Variants in ANXA10 observed in about 807,000 individuals in gnomAD.
ANXA10 encodes the protein annexin A10.
ANXA10 carries 49 observed loss-of-function variants against 53.5 expected under a neutral mutation model. The ratio of observed to expected loss-of-function variants is 0.92; its 90% CI spans 0.73 to 1.16. ANXA10 has a LOEUF of 1.16. ANXA10 is among the 50% of genes most tolerant of loss of function. The pLI is 0.00. For synonymous variants in ANXA10, 131 were observed against 128.9 expected (o/e 1.02, Z -0.11); for missense variants, 393 against 394.4 (o/e 1.00, Z 0.03).
chr4:168,170,369 C>CCA (rs748324243), intron 6 of ANXA10, among the ~76,000 whole-genome samples: 1 of 152,072 alleles, frequency 6.6e-6, no homozygotes, highest in Admixed American at 6.5e-5. Context: ...TTTATTGCTT[C>CCA]CACACACAAC....
At chr4:168,167,074 A>G (rs1361063574) in intron 6 of ANXA10, among the ~76,000 whole-genome samples, 1 of 152,156 alleles carries the variant, frequency 6.6e-6, no homozygotes, top group East Asian at 1.9e-4. Flanking sequence ...GAACCCCTCC[A>G]GTCCCAATTG....
chr4:168,159,825 G>A (rs2149476780), intron 3 of ANXA10, among the ~76,000 whole-genome samples: 1 of 152,214 alleles, frequency 6.6e-6, no homozygotes, highest in Middle Eastern at 3.4e-3. Context: ...GAAAGGTGGT[G>A]TTGGATTATG....
intron 2 of ANXA10, among the ~76,000 whole-genome samples, chr4:168,129,250 G>A (rs1383761562): frequency 1.3e-5 from 2 of 152,056 alleles, no homozygotes; most frequent in Non-Finnish European, 2.9e-5. Flanking sequence ...AAATATGCTC[G>A]CTAAAGCTGA....
intron 6 of ANXA10, 124 bp from the exon 7 acceptor site, chr4:168,177,616 T>A (rs916770332): frequency 2.3e-6 from 2 of 874,504 alleles, no homozygotes; most frequent in Non-Finnish European, 3.7e-6. Flanking sequence ...GAACACTTAC[T>A]CCAGATAATA....
intron 8 of ANXA10, 102 bp downstream of exon 8, chr4:168,178,085 G>T: frequency 9.1e-7 from 1 of 1,102,256 alleles, no homozygotes; most frequent in Admixed American, 2.2e-5. Flanking sequence ...GGAAATAGCG[G>T]AAAGTCAGTT....
At chr4:168,178,044 G>A (rs1732167444) in intron 8 of ANXA10, 61 bp downstream of exon 8, 2 of 1,470,812 alleles carry the variant, frequency 1.4e-6, no homozygotes, top group Non-Finnish European at 9.4e-7. Context: ...AAAGAAGGTG[G>A]TTAACTAGAA....
chr4:168,156,199 A>ATTATATTATATAT (rs1560784518), intron 3 of ANXA10, among the ~76,000 whole-genome samples: 9 of 7,322 alleles, frequency 1.2e-3, no homozygotes, highest in Non-Finnish European at 1.6e-3. Flanking sequence ...ATTATATATA[A>ATTATATTATATAT]TATATATTAT....
intron 11 of ANXA10, among the ~76,000 whole-genome samples, chr4:168,185,335 G>C (rs146443057): frequency 3.3e-5 from 5 of 152,292 alleles, no homozygotes; most frequent in African/African-American, 1.2e-4. Context: ...TATTGCAAAA[G>C]GCTGCATTAC....
intron 3 of ANXA10, among the ~76,000 whole-genome samples, chr4:168,150,318 T>A (rs185584704): frequency 3.7e-4 from 57 of 152,336 alleles, no homozygotes; most frequent in Admixed American, 1.4e-3. Context: ...TTATGTAAAC[T>A]GCGAAAATAT....
intron 10 of ANXA10, among the ~76,000 whole-genome samples, chr4:168,182,966 GC>G (rs1271833208): frequency 2.4e-5 from 3 of 125,744 alleles, no homozygotes; most frequent in African/African-American, 1.0e-4. Context: ...CCGAGATCGC[GC>G]CACTGCACTC....
intron 1 of ANXA10, among the ~76,000 whole-genome samples, chr4:168,101,757 C>A (rs548862607): frequency 6.6e-6 from 1 of 152,080 alleles, no homozygotes; most frequent in East Asian, 1.9e-4. Context: ...CATTTATCTG[C>A]ACACATCTAT....
Position 168,177,772 on chromosome 4 carries a change from G to A in ANXA10, c.513G>A (p.Ala171=), listed in dbSNP as rs375853772. ...GTREEGYTDP[A]MAAQDAMVLW... ...GAGAGGAAGGATATACAGACCCTGC[G>A]ATGGCTGCTCAGGATGCAATGGTAA... is the stretch of plus-strand genomic sequence containing the variant. Residue 171 remains alanine (A), a synonymous_variant, in exon 7 of 12, where the codon GCG becomes GCA. Coordinates refer to ENST00000359299, the MANE Select transcript of ANXA10 (RefSeq NM_007193.5). 91 of 1,614,138 alleles carry A rather than the reference G, an allele frequency of 5.6e-5. No individual in the cohort carries two copies. Among genetic ancestry groups the A allele is most frequent in the Admixed American group, 1.8e-4 (11 of 60,010 alleles).
At chr4:168,155,161 T>C (rs1731583726) in intron 3 of ANXA10, among the ~76,000 whole-genome samples, 1 of 151,110 alleles carries the variant, frequency 6.6e-6, no homozygotes. Context: ...CCTGATCAAA[T>C]CCCACTTTAT....
intron 1 of ANXA10, among the ~76,000 whole-genome samples, chr4:168,103,341 T>C (rs1408770637): frequency 6.6e-6 from 1 of 152,026 alleles, no homozygotes; most frequent in Non-Finnish European, 1.5e-5. Context: ...AATTTTTGTA[T>C]AAGGCATGAA....
chr4:168,171,192 G>A (rs1731979018), intron 6 of ANXA10, among the ~76,000 whole-genome samples: 1 of 152,152 alleles, frequency 6.6e-6, no homozygotes, highest in African/African-American at 2.4e-5. Context: ...AAAAAGAAAT[G>A]GAGTTTTCTT....
At chr4:168,133,550 C>T (rs751796979) in intron 2 of ANXA10, among the ~76,000 whole-genome samples, 7 of 152,010 alleles carry the variant, frequency 4.6e-5, no homozygotes, top group Non-Finnish European at 7.4e-5. Context: ...CAGGAGGCTA[C>T]AGAAGAGCTT....
chr4:168,142,533 G>A (rs942824877), intron 3 of ANXA10, among the ~76,000 whole-genome samples: 4 of 152,056 alleles, frequency 2.6e-5, no homozygotes, highest in African/African-American at 9.7e-5. Context: ...AACAGACTTG[G>A]GCTGCTAATA....
At chr4:168,175,154 TA>T (rs1442416458) in intron 6 of ANXA10, among the ~76,000 whole-genome samples, 3 of 151,922 alleles carry the variant, frequency 2.0e-5, no homozygotes, top group African/African-American at 7.3e-5. Flanking sequence ...GAGTAACCAA[TA>T]AAATGAAATA....
chr4:168,156,294 T>C (rs1372113785), intron 3 of ANXA10, among the ~76,000 whole-genome samples: 5 of 32,210 alleles, frequency 1.6e-4, no homozygotes, highest in African/African-American at 5.9e-4. Flanking sequence ...TATATTATAT[T>C]ATATTATATA....
Sources: allele counts gnomAD v4.1 joint callset (sites outside exome capture counted in the v4.1 genomes callset), GRCh38; gene constraint gnomAD v4.1.1; transcripts MANE v1.5; gene names NCBI Gene and HGNC (gene_info 2026-07-23, HGNC 2026-07-21).